OSBPL6: variants seen among roughly 807,000 people sequenced by gnomAD.
OSBPL6 encodes oxysterol-binding protein-related protein 6.
A neutral mutation model predicts 125.8 loss-of-function variants in OSBPL6; 49 were observed. The observed-to-expected ratio is 0.39, with a 90% CI of 0.31 to 0.49. OSBPL6 has a LOEUF of 0.49. Among genes scored for constraint, OSBPL6 ranks in the 20% least tolerant of loss-of-function variants. The pLI is 0.88. For missense variants in OSBPL6, 986 were observed against 1,135.4 expected (o/e 0.87, Z 1.89); for synonymous variants, 394 against 391.8 (o/e 1.01, Z -0.07).
At chr2:178,238,443 T>C (rs1182112721) in intron 1 of OSBPL6, among the ~76,000 whole-genome samples, 1 of 152,156 alleles carries the variant, frequency 6.6e-6, no homozygotes, top group East Asian at 1.9e-4. Context: ...GCAAGACTAG[T>C]GATCCCAACA....
intron 3 of OSBPL6, among the ~76,000 whole-genome samples, chr2:178,313,087 G>A (rs1189019689): frequency 6.6e-6 from 1 of 151,830 alleles, no homozygotes; most frequent in Non-Finnish European, 1.5e-5. Context: ...GTGGAGACAG[G>A]GTTTCACCAT....
chr2:178,389,702 G>C (rs1250535900), intron 21 of OSBPL6, among the ~76,000 whole-genome samples: 1 of 152,114 alleles, frequency 6.6e-6, no homozygotes, highest in Non-Finnish European at 1.5e-5. Context: ...CGCCCAAAAA[G>C]CACCATTTTC....
In OSBPL6 at chr2:178,367,457, T is replaced by A. The variant is rs1692945600; in HGVS notation, c.1288-4669T>A. On this transcript the variant is annotated intron_variant, in intron 13 of 24. Transcript: ENST00000190611. ...TTTATGATGATTTCATCTTGCCATATGTTTCATATCCTTCTCCAGCCATTA... is the reference window on the plus strand; with the variant it reads ...TTTATGATGATTTCATCTTGCCATAAGTTTCATATCCTTCTCCAGCCATTA... Among the ~76,000 whole-genome samples the A allele has an allele frequency of 2.6e-5, 4 of 152,226 alleles. No homozygotes were observed. The South Asian group carries it at 8.3e-4, about 32-fold the overall frequency.
chr2:178,305,961 C>A, intron 2 of OSBPL6, 69 bp from the exon 3 acceptor site: 2 of 302,260 alleles, frequency 6.6e-6, no homozygotes, highest in Non-Finnish European at 1.2e-5. Context: ...ATTAATATTT[C>A]ATCCTAAAGA....
rs537953591 is a variant in OSBPL6 at position 178,203,828 on chromosome 2, C to T, written c.-351+9154C>T. Reference sequence around the variant, plus strand: ...TTGTTTCCATGAACTAGGCAAGACCCTTCTGTGTACTGTACCCAATGTCCG... The same window carrying T: ...TTGTTTCCATGAACTAGGCAAGACCTTTCTGTGTACTGTACCCAATGTCCG... On this transcript the variant is annotated intron_variant, in intron 1 of 24. Coordinates refer to ENST00000190611, the MANE Select transcript of OSBPL6 (RefSeq NM_032523.4). Among the ~76,000 whole-genome samples, 5 of 152,264 alleles carry T rather than the reference C, an allele frequency of 3.3e-5. No individual in the cohort carries two copies. In the South Asian group the frequency reaches 1.0e-3, roughly 32 times the overall value.
intron 11 of OSBPL6, among the ~76,000 whole-genome samples, chr2:178,347,352 T>A (rs1316077154): frequency 6.6e-6 from 1 of 152,210 alleles, no homozygotes; most frequent in Admixed American, 6.5e-5. Context: ...TTATTTTTTT[T>A]AATGTTGTTC....
At chr2:178,196,297 A>T (rs914974519) in intron 1 of OSBPL6, among the ~76,000 whole-genome samples, 48 of 152,038 alleles carry the variant, frequency 3.2e-4, no homozygotes, top group African/African-American at 1.1e-3. Context: ...GAGTTCATAT[A>T]TTTTTTCCCT....
intron 1 of OSBPL6, among the ~76,000 whole-genome samples, chr2:178,269,748 A>G (rs1384692484): frequency 2.6e-5 from 4 of 152,120 alleles, no homozygotes; most frequent in Non-Finnish European, 5.9e-5. Flanking sequence ...CTACTGCCAC[A>G]TGCTCAGGGC....
At chr2:178,223,939 G>A (rs1416247936) in intron 1 of OSBPL6, among the ~76,000 whole-genome samples, 1 of 152,216 alleles carries the variant, frequency 6.6e-6, no homozygotes, top group Non-Finnish European at 1.5e-5. Flanking sequence ...ACATCAGGCT[G>A]CGGAAAACAC....
At chr2:178,291,926 C>G (rs1216271672) in intron 2 of OSBPL6, among the ~76,000 whole-genome samples, 1 of 151,966 alleles carries the variant, frequency 6.6e-6, no homozygotes, top group African/African-American at 2.4e-5. Context: ...GACCATTCCC[C>G]CTTTTGTCTT....
chr2:178,283,918 G>C (rs903928836), intron 1 of OSBPL6, among the ~76,000 whole-genome samples: 3 of 152,142 alleles, frequency 2.0e-5, no homozygotes, highest in Admixed American at 2.0e-4. Context: ...ATGGTACCAA[G>C]CTATTCATGT....
intron 1 of OSBPL6, among the ~76,000 whole-genome samples, chr2:178,212,901 G>T (rs1337845025): frequency 6.6e-6 from 1 of 151,644 alleles, no homozygotes; most frequent in Admixed American, 6.6e-5. Flanking sequence ...TCCACCTCCC[G>T]GGTTCAAGCG....
intron 1 of OSBPL6, among the ~76,000 whole-genome samples, chr2:178,222,878 T>G (rs1332770571): frequency 6.6e-6 from 1 of 152,344 alleles, no homozygotes; most frequent in East Asian, 1.9e-4. Context: ...GTATTTATAT[T>G]CCTGTAAATC....
intron 1 of OSBPL6, among the ~76,000 whole-genome samples, chr2:178,266,096 A>G (rs2092224516): frequency 6.6e-6 from 1 of 152,156 alleles, no homozygotes; most frequent in Admixed American, 6.5e-5. Context: ...GGGCCAAGGA[A>G]ACAGAATTTG....
In OSBPL6 at chr2:178,402,550, C is replaced by T. The variant is rs1437308146; in HGVS notation, c.*6991C>T. 10 of 152,170 alleles carry T rather than the reference C, an allele frequency of 6.6e-5. No homozygotes were observed. Among genetic ancestry groups the T allele is most frequent in the African/African-American group, 2.4e-4 (10 of 41,436 alleles). The allele number at this position is 152,170 out of a possible 1,614,324, so 9.4% of individuals were successfully genotyped here. The stretch of plus-strand genomic sequence containing the variant: ...TTCTTGATCCAGGTCAGCTTCTTCC[C>T]TGAAAATAATACATATTTTTAATTT... On this transcript the variant is annotated 3_prime_UTR_variant, in exon 25 of 25. Transcript: ENST00000190611.
intron 12 of OSBPL6, among the ~76,000 whole-genome samples, chr2:178,356,866 G>A (rs1691839053): frequency 1.3e-5 from 2 of 152,192 alleles, no homozygotes; most frequent in Admixed American, 1.3e-4. Context: ...AACCAAAACA[G>A]CATGGTACTA....
At chr2:178,197,983 C>T (rs1043060447) in intron 1 of OSBPL6, among the ~76,000 whole-genome samples, 9 of 152,246 alleles carry the variant, frequency 5.9e-5, no homozygotes, top group African/African-American at 1.7e-4. Flanking sequence ...AGGAAGTGGT[C>T]ATGCTGAGAA....
intron 21 of OSBPL6, among the ~76,000 whole-genome samples, chr2:178,389,787 C>A (rs1406697398): frequency 3.3e-5 from 5 of 152,188 alleles, no homozygotes; most frequent in African/African-American, 7.2e-5. Flanking sequence ...CAGAATTCAA[C>A]ATAGTATAGA....
intron 12 of OSBPL6, among the ~76,000 whole-genome samples, chr2:178,351,832 C>A (rs1465506671): frequency 1.3e-5 from 2 of 152,096 alleles, no homozygotes; most frequent in African/African-American, 4.8e-5. Context: ...ACACTGGAGC[C>A]TATTTGAGGG....
Sources: allele counts gnomAD v4.1 joint callset (sites outside exome capture counted in the v4.1 genomes callset), GRCh38; gene constraint gnomAD v4.1.1; transcripts MANE v1.5; gene names NCBI Gene and HGNC (gene_info 2026-07-23, HGNC 2026-07-21).